The following SKIC3 variants were observed in gnomAD, a reference collection of about 807,000 sequenced individuals.
The protein encoded by SKIC3 is SKI3 subunit of superkiller complex, also known as superkiller complex protein 3.
chr5:95,464,771 G>A, the SKIC3 span: 3 of 1,068,456 alleles, frequency 2.8e-6, no homozygotes, highest in Admixed American at 5.9e-5. Flanking sequence ...TCCAAGGGCG[G>A]CAGTCTTGAA....
chr5:95,546,829 T>C, the SKIC3 span: 1 of 528,310 alleles, frequency 1.9e-6, no homozygotes, highest in East Asian at 3.5e-5. Flanking sequence ...TTATGGGATA[T>C]TCAGGTTTTA....
the SKIC3 span, among the ~76,000 whole-genome samples, chr5:95,546,376 C>T: frequency 1.3e-5 from 2 of 148,370 alleles, no homozygotes; most frequent in Non-Finnish European, 3.0e-5. Flanking sequence ...AAGAAAGAAA[C>T]TATTTCATAC....
the SKIC3 span, chr5:95,541,793 A>C: frequency 6.5e-7 from 1 of 1,533,444 alleles, no homozygotes; most frequent in Non-Finnish European, 9.0e-7. Context: ...AAGAAACTGG[A>C]CTTTCCTCAT....
the SKIC3 span, chr5:95,515,168 CT>C: frequency 4.8e-6 from 2 of 420,762 alleles, no homozygotes; most frequent in African/African-American, 4.1e-5. Flanking sequence ...AAAAAGGGTT[CT>C]ACCTTGTCAT....
the SKIC3 span, chr5:95,547,018 T>C: frequency 6.4e-7 from 1 of 1,559,276 alleles, no homozygotes; most frequent in Admixed American, 1.7e-5. Context: ...TGTTTATAAA[T>C]GGGTAACATA....
the SKIC3 span, among the ~76,000 whole-genome samples, chr5:95,545,488 T>C: frequency 1.3e-5 from 2 of 152,166 alleles, no homozygotes; most frequent in African/African-American, 4.8e-5. Context: ...CCAATCTGGG[T>C]CAGCCAAGTT....
the SKIC3 span, chr5:95,520,962 A>G: frequency 1.6e-6 from 1 of 637,344 alleles, no homozygotes; most frequent in South Asian, 2.0e-5. Flanking sequence ...ATCTTAAAGC[A>G]TGATCCTACA....
the SKIC3 span, among the ~76,000 whole-genome samples, chr5:95,509,222 T>C: frequency 2.0e-5 from 3 of 152,152 alleles, no homozygotes; most frequent in Non-Finnish European, 1.5e-5. Context: ...TAAACAATGA[T>C]AACATTGCAA....
At chr5:95,481,481 G>A in the SKIC3 span, among the ~76,000 whole-genome samples, 1 of 152,084 alleles carries the variant, frequency 6.6e-6, no homozygotes, top group Non-Finnish European at 1.5e-5. Context: ...AGTCTCAGGT[G>A]TCTTTATCAG....
At chr5:95,523,091 T>C in the SKIC3 span, 1 of 1,423,388 alleles carries the variant, frequency 7.0e-7, no homozygotes, top group Non-Finnish European at 9.8e-7. Flanking sequence ...CATAAAGTAA[T>C]TTTGTTATTT....
At chr5:95,523,969 A>C in the SKIC3 span, 1 of 909,406 alleles carries the variant, frequency 1.1e-6, no homozygotes, top group African/African-American at 1.7e-5. Flanking sequence ...ATGCCAAAAA[A>C]TCCTTTGATG....
At chr5:95,478,226 C>A in the SKIC3 span, 17 of 1,572,604 alleles carry the variant, frequency 1.1e-5, no homozygotes, top group Non-Finnish European at 1.5e-5. Flanking sequence ...ATGTAAAAAG[C>A]CTTCACGTCA....
chr5:95,487,127 G>A, the SKIC3 span, among the ~76,000 whole-genome samples: 5 of 152,084 alleles, frequency 3.3e-5, no homozygotes, highest in Admixed American at 6.5e-5. Flanking sequence ...AAGCAAGACC[G>A]GCCTAGCCTC....
At chr5:95,485,357 AT>A in the SKIC3 span, among the ~76,000 whole-genome samples, 1 of 152,174 alleles carries the variant, frequency 6.6e-6, no homozygotes, top group Admixed American at 6.5e-5. Context: ...GCCAATTTGC[AT>A]TTCCACAAAT....
the SKIC3 span, among the ~76,000 whole-genome samples, chr5:95,489,356 C>A: frequency 3.3e-5 from 5 of 151,318 alleles, no homozygotes; most frequent in African/African-American, 7.3e-5. Context: ...TATACAGACT[C>A]GTATGCTTAT....
At chr5:95,513,509 C>T in the SKIC3 span, 4 of 1,553,404 alleles carry the variant, frequency 2.6e-6, no homozygotes, top group South Asian at 1.1e-5. Context: ...CTATTCATTC[C>T]CTTAACAAGG....
the SKIC3 span, among the ~76,000 whole-genome samples, chr5:95,527,078 C>T: frequency 6.6e-6 from 1 of 152,170 alleles, no homozygotes; most frequent in African/African-American, 2.4e-5. Context: ...TTTCAACATA[C>T]CACATTAGTA....
the SKIC3 span, among the ~76,000 whole-genome samples, chr5:95,501,754 CAA>C: frequency 6.6e-6 from 1 of 151,764 alleles, no homozygotes; most frequent in African/African-American, 2.4e-5. Context: ...AAGCAATAAC[CAA>C]AGACTAATCT....
the SKIC3 span, among the ~76,000 whole-genome samples, chr5:95,517,895 T>C: frequency 1.3e-5 from 2 of 152,030 alleles, no homozygotes; most frequent in African/African-American, 4.8e-5. Context: ...ACTGTTATTG[T>C]AGGAATGGGT....
Sources: gnomAD v4.1 joint callset for allele counts (sites outside exome capture counted in the v4.1 genomes callset) on GRCh38, gnomAD v4.1.1 for gene constraint, MANE v1.5 for transcripts, NCBI Gene and HGNC (gene_info 2026-07-23, HGNC 2026-07-21) for gene names.